The following DYSF variants were observed in gnomAD, a reference collection of about 807,000 sequenced individuals.
DYSF encodes the protein dystrophy-associated fer-1-like 1.
Under a neutral mutation model 274.9 loss-of-function variants are expected in DYSF, and 212 were observed. That is an observed-to-expected ratio of 0.77 (90% CI 0.69 to 0.86). The LOEUF (loss-of-function observed/expected upper bound fraction) is 0.86, where lower values mean the gene tolerates loss of function less well. Among genes scored for constraint, DYSF ranks in the 40% least tolerant of loss-of-function variants. The pLI is 0.00. For missense variants in DYSF, 2,666 were observed against 2,783.2 expected (o/e 0.96, Z 0.95); for synonymous variants, 1,091 against 1,078.7 (o/e 1.01, Z -0.22).
At chr2:71,525,082 C>T (rs1402899398) in intron 12 of DYSF, among the ~76,000 whole-genome samples, 1 of 152,206 alleles carries the variant, frequency 6.6e-6, no homozygotes. Flanking sequence ...GACATTGATT[C>T]TCAGCCTCTG....
intron 29 of DYSF, 27 bp downstream of exon 29, chr2:71,570,768 T>C: frequency 6.2e-7 from 1 of 1,612,540 alleles, no homozygotes; most frequent in Non-Finnish European, 8.5e-7. Flanking sequence ...TGGGTGGGAG[T>C]GAGGCCTGTG....
Position 71,669,585 on chromosome 2 carries a change from C to T in DYSF, c.5643-20C>T. The T allele has an allele frequency of 6.2e-7, 1 of 1,614,148 alleles. No individual in the cohort carries two copies. ...TGGAAATCTTAATGAGAACTATTCTCTAAAAACATGTATGTCTAGTTGGAT... is the reference window on the plus strand; with the variant it reads ...TGGAAATCTTAATGAGAACTATTCTTTAAAAACATGTATGTCTAGTTGGAT... On this transcript the variant is annotated intron_variant, in intron 50 of 55. Transcript: ENST00000410020.
Position 71,674,683 on chromosome 2 carries a change from C to T in DYSF, c.5884+387C>T, listed in dbSNP as rs113362959. ...CTCAAGTCAGTCTTCATCCTTGTGC[C>T]TGTGTGACCGACTGAGTGAACAAAC... On this transcript the variant is annotated intron_variant, in intron 52 of 55. Coordinates refer to ENST00000410020, the MANE Select transcript of DYSF (RefSeq NM_001130987.2). Among the ~76,000 whole-genome samples, 333 of 152,342 alleles carry T rather than the reference C, an allele frequency of 2.2e-3. 4 individuals are homozygous for T. Among genetic ancestry groups the T allele is most frequent in the African/African-American group, 7.8e-3 (323 of 41,582 alleles).
chr2:71,590,078 C>A (rs921215042), intron 31 of DYSF, 133 bp from the exon 32 acceptor site: 71 of 845,278 alleles, frequency 8.4e-5, no homozygotes, highest in Non-Finnish European at 1.0e-4. Flanking sequence ...CGCACAGTGG[C>A]CTGTGTGGTT....
At chr2:71,657,586 G>A (rs891921941) in intron 43 of DYSF, among the ~76,000 whole-genome samples, 13 of 152,220 alleles carry the variant, frequency 8.5e-5, no homozygotes, top group African/African-American at 3.1e-4. Flanking sequence ...GCATCCAGGT[G>A]TTTCCATACC....
intron 38 of DYSF, 101 bp downstream of exon 38, chr2:71,611,727 T>G (rs1558616723): frequency 1.4e-6 from 2 of 1,435,552 alleles, no homozygotes; most frequent in Non-Finnish European, 1.9e-6. Flanking sequence ...CCCTGCGGGA[T>G]CCAGGGTAGG....
intron 4 of DYSF, among the ~76,000 whole-genome samples, chr2:71,509,447 C>T (rs1383890566): frequency 6.6e-6 from 1 of 152,236 alleles, no homozygotes; most frequent in Non-Finnish European, 1.5e-5. Flanking sequence ...TAGTTGTGAG[C>T]CACTGTACCT....
intron 41 of DYSF, among the ~76,000 whole-genome samples, chr2:71,635,062 C>A (rs911377148): frequency 6.6e-6 from 1 of 152,176 alleles, no homozygotes; most frequent in African/African-American, 2.4e-5. Flanking sequence ...GCCCCACAGC[C>A]AATTCCTCTG....
intron 7 of DYSF, 87 bp downstream of exon 7, chr2:71,514,008 G>A (rs957806692): frequency 7.3e-6 from 11 of 1,505,584 alleles, no homozygotes; most frequent in Non-Finnish European, 1.0e-5. Context: ...TCCAGCTTCA[G>A]GGGAAGATGT....
chr2:71,648,954 G>A (rs997069773), intron 42 of DYSF, among the ~76,000 whole-genome samples: 5 of 152,006 alleles, frequency 3.3e-5, no homozygotes, highest in Non-Finnish European at 5.9e-5. Flanking sequence ...ACATATTCAG[G>A]AACTGGAGTA....
chr2:71,635,204 T>G (rs2094379797), intron 41 of DYSF, among the ~76,000 whole-genome samples: 1 of 152,214 alleles, frequency 6.6e-6, no homozygotes, highest in Non-Finnish European at 1.5e-5. Flanking sequence ...TCTCTAGTTC[T>G]CGCTTCCTTT....
intron 3 of DYSF, among the ~76,000 whole-genome samples, chr2:71,501,601 A>G (rs2084979569): frequency 2.0e-5 from 3 of 152,188 alleles, no homozygotes. Context: ...CCCAGCTTGT[A>G]TCAGCCACCA....
At chr2:71,606,892 A>G (rs566307592) in intron 36 of DYSF, among the ~76,000 whole-genome samples, 5 of 152,252 alleles carry the variant, frequency 3.3e-5, no homozygotes, top group African/African-American at 4.8e-5. Context: ...AGGAAGGAGG[A>G]CAGTGCGTGT....
intron 52 of DYSF, 38 bp from the exon 53 acceptor site, chr2:71,679,019 C>T (rs368402254): frequency 6.9e-5 from 111 of 1,605,698 alleles, no homozygotes; most frequent in East Asian, 8.9e-5. Flanking sequence ...TGGCAGTGAT[C>T]GAGAAACCCT....
upstream of DYSF, among the ~76,000 whole-genome samples, chr2:71,466,368 A>G (rs2081530605): frequency 6.6e-6 from 1 of 152,174 alleles, no homozygotes; most frequent in South Asian, 2.1e-4. Flanking sequence ...TCGAGCGCAC[A>G]GGGCGGCTGC....
chr2:71,510,391 G>A (rs1359071616), intron 4 of DYSF, among the ~76,000 whole-genome samples: 3 of 152,182 alleles, frequency 2.0e-5, no homozygotes, highest in African/African-American at 4.8e-5. Context: ...CTGCTCACGT[G>A]GCGACACCTG....
intron 1 of DYSF, among the ~76,000 whole-genome samples, chr2:71,477,038 A>C (rs549097019): frequency 9.2e-5 from 14 of 152,276 alleles, no homozygotes; most frequent in African/African-American, 3.1e-4. Context: ...TTTGAGAAGT[A>C]ACTTCCAGCT....
At chr2:71,571,422 C>A (rs1338638240) in intron 29 of DYSF, among the ~76,000 whole-genome samples, 7 of 141,792 alleles carry the variant, frequency 4.9e-5, no homozygotes, top group Non-Finnish European at 3.1e-5. Flanking sequence ...ACACAGATCA[C>A]AGTCAGCACA....
chr2:71,670,087 A>G (rs1573102903), intron 51 of DYSF, among the ~76,000 whole-genome samples: 1 of 151,774 alleles, frequency 6.6e-6, no homozygotes, highest in East Asian at 1.9e-4. Context: ...CCGTGGTCCC[A>G]CCCCTGCTGT....
Sources: gnomAD v4.1 joint callset for allele counts (sites outside exome capture counted in the v4.1 genomes callset) on GRCh38, gnomAD v4.1.1 for gene constraint, MANE v1.5 for transcripts, NCBI Gene and HGNC (gene_info 2026-07-23, HGNC 2026-07-21) for gene names.